The following MROH2A variants were observed in gnomAD, a reference collection of about 807,000 sequenced individuals.
The protein encoded by MROH2A is maestro heat-like repeat-containing protein family member 2A.
Under a neutral mutation model 200.4 loss-of-function variants are expected in MROH2A, and 174 were observed. The ratio of observed to expected loss-of-function variants is 0.87; its 90% CI spans 0.77 to 0.98. MROH2A has a LOEUF of 0.98. MROH2A is among the 50% of genes least tolerant of loss of function. The probability of loss-of-function intolerance (pLI) is 0.00; values close to 1 mark genes in which losing one functional copy is unlikely to be tolerated. For synonymous variants in MROH2A, 829 were observed against 840.4 expected (o/e 0.99, Z 0.23); for missense variants, 2,045 against 2,139.6 (o/e 0.96, Z 0.87).
chr2:233,814,743 C>T lies in MROH2A; in HGVS notation c.2856+66C>T. ...TCCTCCCCAGAAGCTGGACTGAGGG[C>T]CAGACTCTGGGGAACAGGGGAGTGC... On this transcript the variant is annotated intron_variant, in intron 26 of 41. Coordinates refer to ENST00000389758, the MANE Select transcript of MROH2A (RefSeq NM_001394639.1). 2.7e-6 allele frequency: 3 copies of T among 1,124,966 alleles called. No homozygotes were observed. The Admixed American group carries it at 6.5e-5, about 25-fold the overall frequency. 69.7% of individuals were successfully genotyped at this position (1,124,966 alleles called of 1,614,324 possible). A position where few individuals can be genotyped will look rare whatever the true frequency, so the allele number is the denominator to read the frequency against.
rs1251649614 is a variant in MROH2A, at chr2:233,807,059, TAA to T, written c.2053-363_2053-362del. 1.3e-5 allele frequency among the ~76,000 whole-genome samples: 2 copies of T among 152,188 alleles called. No individual in the cohort carries two copies. The highest frequency in any genetic ancestry group is 2.9e-5 in the Non-Finnish European group (2 of 68,050). On this transcript the variant is annotated intron_variant, in intron 19 of 41. Transcript: ENST00000389758. The surrounding 1 kb of genome is among the most constrained non-coding windows in gnomAD (Gnocchi z 4.3). ...CATACGACGTTTGGTTTTCCATTCC[TAA>T]GTTACTTAGAATAATAGTCTCCAAT...
At chr2:233,780,658 T>C (rs765635969) in intron 3 of MROH2A, among the ~76,000 whole-genome samples, 4 of 152,256 alleles carry the variant, frequency 2.6e-5, no homozygotes, top group African/African-American at 4.8e-5. Context: ...TCAAAACATA[T>C]ATACAATGTG....
At chr2:233,789,815 G>A (rs1295704676) in intron 4 of MROH2A, 37 bp from the exon 5 acceptor site, 2 of 1,529,532 alleles carry the variant, frequency 1.3e-6, no homozygotes, top group Admixed American at 2.0e-5. Context: ...GGCCCGGCTG[G>A]TGGTGGTGCC....
Position 233,796,249 on chromosome 2 carries a change from G to C in MROH2A, c.1188G>C (p.Glu396Asp). 7 of 1,491,536 alleles carry C rather than the reference G, an allele frequency of 4.7e-6. No individual in the cohort carries two copies. Among genetic ancestry groups the C allele is most frequent in the Non-Finnish European group, 6.3e-6 (7 of 1,111,440 alleles). The allele number at this position is 1,491,536 out of a possible 1,614,324, so 92.4% of individuals were successfully genotyped here. Residue 396 changes from glutamate (E) to aspartate (D), a missense_variant, in exon 11 of 42, where the codon GAG becomes GAC. Glu to Asp is a conservative substitution (Grantham distance 45). Coordinates refer to ENST00000389758, the MANE Select transcript of MROH2A (RefSeq NM_001394639.1). Reference sequence around the variant, plus strand: ...TGAAGTTCTTCTTCAGCCAGATGGAGACAAACAAGGAGGCCGTCCGCGTGG... The same window carrying C: ...TGAAGTTCTTCTTCAGCCAGATGGACACAAACAAGGAGGCCGTCCGCGTGG... ...ELMKFFFSQM[E>D]TNKEAVRVGT...
Position 233,832,637 on chromosome 2 carries a change from A to G in MROH2A, c.4896A>G (p.Leu1632=). The G allele has an allele frequency of 6.5e-7, 1 of 1,548,560 alleles. No homozygotes were observed. Among genetic ancestry groups the G allele is most frequent in the Non-Finnish European group, 8.7e-7 (1 of 1,145,158 alleles). The change falls in exon 41 of 42, where the codon TTA becomes TTG. Residue 1632 remains leucine (L), a synonymous_variant. Transcript: ENST00000389758. The part of the protein sequence containing the change: ...HYLKKLDFPA[L]RNSLQELQLD... ...TGAAAAAGCTGGACTTCCCAGCATT[A>G]CGGAATTGTGAGTAGTGGAGAGTGT... is the stretch of plus-strand genomic sequence containing the variant.
At chr2:233,832,728 GC>G in intron 41 of MROH2A, 84 bp downstream of exon 41, 1 of 556,552 alleles carries the variant, frequency 1.8e-6, no homozygotes. Flanking sequence ...CAAGGGAAGA[GC>G]CAGAGGACCC....
intron 17 of MROH2A, 25 bp from the exon 18 acceptor site, chr2:233,804,470 T>C: frequency 6.4e-7 from 1 of 1,551,060 alleles, no homozygotes; most frequent in Non-Finnish European, 8.7e-7. Flanking sequence ...AAGTGGCATG[T>C]GTGACCATAC....
At chr2:233,790,068 T>G in intron 5 of MROH2A, 54 bp downstream of exon 5, 2 of 1,448,156 alleles carry the variant, frequency 1.4e-6, no homozygotes, top group Non-Finnish European at 1.8e-6. Flanking sequence ...GGTCTCTGCC[T>G]CTCTCTGCCC....
chr2:233,830,275 G>A (rs1704634086), intron 38 of MROH2A, among the ~76,000 whole-genome samples: 1 of 152,156 alleles, frequency 6.6e-6, no homozygotes, highest in African/African-American at 2.4e-5. Flanking sequence ...CATTTGAGTT[G>A]CTGCCTCTCA....
chr2:233,790,002 G>A lies in MROH2A; in HGVS notation c.559G>A (p.Ala187Thr), dbSNP rs1575915202. 1.9e-6 allele frequency: 3 copies of A among 1,549,020 alleles called. No homozygotes were observed. Among genetic ancestry groups the A allele is most frequent in the Non-Finnish European group, 2.6e-6 (3 of 1,146,114 alleles). ...TGTCATCATCACACTGGCCAAGCTG[G>A]CCAACGGCAATGGTAGGGGCTTGAG... The part of the protein sequence containing the change: ...EFVIITLAKL[A>T]NGNVFEFMPY... Residue 187 changes from alanine to threonine, a missense_variant, in exon 5 of 42, where the codon GCC becomes ACC. Coordinates refer to ENST00000389758, the MANE Select transcript of MROH2A (RefSeq NM_001394639.1).
intron 31 of MROH2A, among the ~76,000 whole-genome samples, chr2:233,821,492 A>G (rs1703934127): frequency 6.6e-6 from 1 of 152,110 alleles, no homozygotes; most frequent in Non-Finnish European, 1.5e-5. Flanking sequence ...GTTCAACTTG[A>G]CCTTGTTAAA....
rs76715586 is a variant in MROH2A, at chr2:233,794,915, C to G, written c.966+409C>G. 6.1e-3 allele frequency among the ~76,000 whole-genome samples: 935 copies of G among 152,290 alleles called. 5 individuals carry two copies. Among genetic ancestry groups the G allele is most frequent in the South Asian group, 0.012 (59 of 4,822 alleles). ...TCTGAAGGCTCTAAGGAAGCAAGCTCTCTTGCCTCTTCCAGCTTCTGGTGG... is the reference window on the plus strand; with the variant it reads ...TCTGAAGGCTCTAAGGAAGCAAGCTGTCTTGCCTCTTCCAGCTTCTGGTGG... On this transcript the variant is annotated intron_variant, in intron 8 of 41. Transcript: ENST00000389758.
chr2:233,795,008 C>T (rs967015397), intron 8 of MROH2A, among the ~76,000 whole-genome samples: 2 of 152,202 alleles, frequency 1.3e-5, no homozygotes, highest in Non-Finnish European at 2.9e-5. Flanking sequence ...TGGCCTTTCC[C>T]TGTGTGTCCC....
rs1491510013 is a variant in MROH2A, at chr2:233,787,584, TAC to T, written c.277-1911_277-1910del. Reference sequence around the variant, plus strand: ...ACATATATATTATATATATCATATATACATATATATATTATATATTATATATA... The same window carrying T: ...ACATATATATTATATATATCATATATATATATATATTATATATTATATATA... On this transcript the variant is annotated intron_variant, in intron 3 of 41. Coordinates refer to ENST00000389758, the MANE Select transcript of MROH2A (RefSeq NM_001394639.1). 4.4e-3 allele frequency among the ~76,000 whole-genome samples: 199 copies of T among 45,676 alleles called. 43 individuals carry two copies. The Admixed American group carries it at 0.046, about 11-fold the overall frequency. The allele number at this position is 45,676 out of a possible 152,430, so 30.0% of individuals were successfully genotyped here. A position where few individuals can be genotyped will look rare whatever the true frequency, so the allele number is the denominator to read the frequency against.
At chr2:233,813,550 A>G (rs1255798578) in intron 24 of MROH2A, 120 bp from the exon 25 acceptor site, 3 of 629,742 alleles carry the variant, frequency 4.8e-6, no homozygotes, top group Admixed American at 2.7e-5. Flanking sequence ...AGAGCCTCCA[A>G]CTGGAGAAGT....
chr2:233,823,735 T>C, intron 35 of MROH2A, 71 bp downstream of exon 35: 1 of 1,519,942 alleles, frequency 6.6e-7, no homozygotes, highest in Non-Finnish European at 8.9e-7. Context: ...CTTCTGGGGA[T>C]GGCTTGTCTC....
At chr2:233,789,810 G>T in intron 4 of MROH2A, 42 bp from the exon 5 acceptor site, 1 of 1,524,946 alleles carries the variant, frequency 6.6e-7, no homozygotes. Context: ...CTGGAGGCCC[G>T]GCTGGTGGTG....
chr2:233,823,063 A>C (rs146960812), intron 34 of MROH2A, 45 bp downstream of exon 34: 1 of 1,544,648 alleles, frequency 6.5e-7, no homozygotes, highest in Non-Finnish European at 8.7e-7. Flanking sequence ...CTGCAGAGGC[A>C]CCTCCTTGCT....
At position 233,828,684 on chromosome 2, in the gene MROH2A, C is replaced by A. The variant is rs1304825701; in HGVS notation, c.4168C>A (p.Leu1390Met). ...GAAGCTGCTGAAGCCGGCAGCTTTGCTGCTGGAGAAGGGTGCCGACCAGGA... is the reference window on the plus strand; with the variant it reads ...GAAGCTGCTGAAGCCGGCAGCTTTGATGCTGGAGAAGGGTGCCGACCAGGA... Reference protein sequence around the residue: ...QEKLLKPAALLLEKGADQEED... With the variant: ...QEKLLKPAALMLEKGADQEED... The change falls in exon 36 of 42, where the codon CTG becomes ATG. Residue 1390 changes from leucine to methionine, a missense_variant. By Grantham distance (15) the Leu-to-Met change is conservative. Coordinates refer to ENST00000389758, the MANE Select transcript of MROH2A (RefSeq NM_001394639.1). This position sits in a 1 kb window ranked among gnomAD's most constrained non-coding sequence, Gnocchi z 4.6. The A allele has an allele frequency of 6.4e-7, 1 of 1,550,738 alleles. No homozygotes were observed. Among genetic ancestry groups the A allele is most frequent in the Non-Finnish European group, 8.7e-7 (1 of 1,147,018 alleles).
Sources: allele counts gnomAD v4.1 joint callset (sites outside exome capture counted in the v4.1 genomes callset), GRCh38; gene constraint gnomAD v4.1.1; non-coding constraint Gnocchi (gnomAD v3.1); transcripts MANE v1.5; gene names NCBI Gene and HGNC (gene_info 2026-07-23, HGNC 2026-07-21).